The following PSD3 variants were observed in gnomAD, a reference collection of about 807,000 sequenced individuals.
PSD3 encodes pleckstrin and Sec7 domain containing 3.
PSD3 carries 49 observed loss-of-function variants against 105.5 expected under a neutral mutation model. That is an observed-to-expected ratio of 0.46 (90% CI 0.37 to 0.59). PSD3 has a LOEUF of 0.59. Ranked by LOEUF, PSD3 falls within the 20% of genes least tolerant of loss-of-function variation. PSD3 has a pLI of 0.00. For missense variants in PSD3, 1,561 were observed against 1,263.8 expected (o/e 1.24, Z -3.57); for synonymous variants, 557 against 457.8 (o/e 1.22, Z -2.77).
intron 9 of PSD3, among the ~76,000 whole-genome samples, chr8:18,761,299 G>A (rs1231241057): frequency 1.3e-5 from 2 of 152,138 alleles, no homozygotes; most frequent in African/African-American, 4.8e-5. Flanking sequence ...GGTGGGTAGA[G>A]GTTTTGACTA....
chr8:18,985,235 T>C (rs969694308), intron 1 of PSD3, among the ~76,000 whole-genome samples: 32 of 152,068 alleles, frequency 2.1e-4, no homozygotes, highest in African/African-American at 7.7e-4. Context: ...CGCCCGGTCA[T>C]CCTTTGCTTT....
intron 11 of PSD3, among the ~76,000 whole-genome samples, chr8:18,621,963 A>G (rs999830324): frequency 6.6e-6 from 1 of 152,240 alleles, no homozygotes; most frequent in African/African-American, 2.4e-5. Flanking sequence ...AATAAATTCT[A>G]CTTTCTTAAA....
chr8:18,608,745 G>A (rs957181635), intron 11 of PSD3, among the ~76,000 whole-genome samples: 1 of 152,046 alleles, frequency 6.6e-6, no homozygotes, highest in African/African-American at 2.4e-5. Context: ...TCATTAACGA[G>A]TAATAATGGA....
intron 1 of PSD3, among the ~76,000 whole-genome samples, chr8:18,999,692 T>G (rs1451921800): frequency 2.0e-5 from 3 of 151,818 alleles, no homozygotes; most frequent in African/African-American, 7.3e-5. Context: ...TTACAAAATA[T>G]TTATAAAATA....
At chr8:18,934,108 C>T (rs570455188) in intron 2 of PSD3, among the ~76,000 whole-genome samples, 1 of 152,246 alleles carries the variant, frequency 6.6e-6, no homozygotes, top group South Asian at 2.1e-4. Context: ...TGTGTATACA[C>T]TGCCTTCTTG....
At chr8:18,808,994 AGCCAGAACACAAGGGCCACT>A in intron 4 of PSD3, 1 of 1,275,596 alleles carries the variant, frequency 7.8e-7, no homozygotes, top group Non-Finnish European at 1.0e-6. Flanking sequence ...TAAAAACAGC[AGCCAGAACACAAGGGCCACT>A]GTCTATCGAG....
chr8:18,878,411 C>T (rs1817874559), intron 2 of PSD3, among the ~76,000 whole-genome samples: 1 of 152,140 alleles, frequency 6.6e-6, no homozygotes, highest in African/African-American at 2.4e-5. Flanking sequence ...CCCAATCCAT[C>T]TTTCTAATCA....
intron 9 of PSD3, among the ~76,000 whole-genome samples, chr8:18,656,484 A>G (rs1808904473): frequency 7.5e-6 from 1 of 132,720 alleles, no homozygotes; most frequent in Non-Finnish European, 1.6e-5. Context: ...GAGTTTCGAT[A>G]CCACTGACTT....
chr8:18,588,517 T>A (rs2130472575), intron 12 of PSD3, among the ~76,000 whole-genome samples: 1 of 152,334 alleles, frequency 6.6e-6, no homozygotes, highest in South Asian at 2.1e-4. Flanking sequence ...ATTCTTATGA[T>A]TTAACTGAAA....
At chr8:18,965,890 C>T (rs1033181061) in intron 1 of PSD3, among the ~76,000 whole-genome samples, 2 of 152,200 alleles carry the variant, frequency 1.3e-5, no homozygotes, top group Admixed American at 1.3e-4. Context: ...AGTTAAGCTC[C>T]TGGTAATATA....
chr8:18,554,523 G>T (rs1201519144), intron 15 of PSD3, among the ~76,000 whole-genome samples: 4 of 152,114 alleles, frequency 2.6e-5, no homozygotes, highest in Non-Finnish European at 4.4e-5. Flanking sequence ...GCTTGACCAT[G>T]AAGAAAACTA....
chr8:18,997,950 ACTGT>A (rs1826167240), intron 1 of PSD3, among the ~76,000 whole-genome samples: 1 of 150,842 alleles, frequency 6.6e-6, no homozygotes, highest in African/African-American at 2.4e-5. Context: ...CAACTCATAC[ACTGT>A]CTGTCTTACC....
chr8:18,593,011 G>C (rs975410712), intron 12 of PSD3, among the ~76,000 whole-genome samples: 19 of 152,102 alleles, frequency 1.2e-4, no homozygotes, highest in Admixed American at 1.2e-3. Context: ...ACCTAAAACC[G>C]TAACAACCCT....
intron 4 of PSD3, among the ~76,000 whole-genome samples, chr8:18,854,905 C>T (rs556668041): frequency 6.6e-6 from 1 of 152,188 alleles, no homozygotes; most frequent in Admixed American, 6.5e-5. Flanking sequence ...TTGTCCAAAG[C>T]CTGCTTCAGA....
chr8:18,594,121 AATAATATATATTATATATATATTAT>A (rs1311147612), intron 12 of PSD3, among the ~76,000 whole-genome samples: 869 of 41,986 alleles, frequency 0.021, 92 homozygotes, highest in African/African-American at 0.054. Flanking sequence ...CTTAAAGTAT[AATAATATATATTATATATATATTAT>A]ATAATATATA....
Position 18,986,619 on chromosome 8 carries a change from G to C in PSD3, c.21+26944C>G, listed in dbSNP as rs1825506857. On this transcript the variant is annotated intron_variant, in intron 1 of 15. Transcript: ENST00000327040. ...AAATCTCACAAGCATTTTATTAATG[G>C]TGCTGTATTTCCTTATCCGGTCAGC... Among the ~76,000 whole-genome samples the C allele has an allele frequency of 2.6e-5, 4 of 151,632 alleles. No individual in the cohort carries two copies. In the South Asian group the frequency reaches 8.3e-4, roughly 32 times the overall value.
intron 11 of PSD3, among the ~76,000 whole-genome samples, chr8:18,627,089 T>C (rs1483081623): frequency 1.3e-5 from 2 of 152,006 alleles, no homozygotes; most frequent in African/African-American, 4.8e-5. Flanking sequence ...AAAACAAAAC[T>C]TTTTAGACAT....
chr8:19,047,530 A>T (rs1828364634), intron 1 of PSD3, among the ~76,000 whole-genome samples: 1 of 152,116 alleles, frequency 6.6e-6, no homozygotes, highest in East Asian at 1.9e-4. Flanking sequence ...AAATGAATGG[A>T]GGAAAGGACA....
At chr8:18,793,602 C>T (rs922053007) in intron 8 of PSD3, among the ~76,000 whole-genome samples, 3 of 152,146 alleles carry the variant, frequency 2.0e-5, no homozygotes, top group Non-Finnish European at 4.4e-5. Flanking sequence ...GAAGGCAGTG[C>T]TAGCACAGTA....
Sources: allele counts gnomAD v4.1 joint callset (sites outside exome capture counted in the v4.1 genomes callset), GRCh38; gene constraint gnomAD v4.1.1; transcripts MANE v1.5; gene names NCBI Gene and HGNC (gene_info 2026-07-23, HGNC 2026-07-21).